The following VANGL1 variants were observed in gnomAD, a reference collection of about 807,000 sequenced individuals.
VANGL1 encodes VANGL planar cell polarity protein 1.
In VANGL1, 18 loss-of-function variants were observed where a neutral mutation model predicts 48.4. The observed-to-expected ratio is 0.37, with a 90% CI of 0.26 to 0.55. The LOEUF is 0.55. Among genes scored for constraint, VANGL1 ranks in the 20% least tolerant of loss-of-function variants. The pLI is 0.81. For synonymous variants in VANGL1, 257 were observed against 261.8 expected, an observed-to-expected ratio of 0.98 and a Z score of 0.18; for missense variants, 667 against 675.8, an observed-to-expected ratio of 0.99 and a Z score of 0.14.
chr1:115,690,781 G>A (rs1653800889), intron 7 of VANGL1, among the ~76,000 whole-genome samples: 1 of 152,226 alleles, frequency 6.6e-6, no homozygotes, highest in South Asian at 2.1e-4. Flanking sequence ...ACATCAAGTA[G>A]GACCATACCC....
chr1:115,663,970 T>C lies in VANGL1; in HGVS notation c.514T>C (p.Phe172Leu). The C allele has an allele frequency of 6.2e-7, 1 of 1,614,250 alleles. No homozygotes were observed. Among genetic ancestry groups the C allele is most frequent in the South Asian group, 1.1e-5 (1 of 91,084 alleles). ...ILLIGTWALF[F>L]RKRRADMPRV... ...GCTCATAGGGACCTGGGCACTTTTT[T>C]TCCGCAAGCGGAGAGCTGACATGCC... is the stretch of plus-strand genomic sequence containing the variant. Residue 172 changes from phenylalanine (F) to leucine (L), a missense_variant, in exon 4 of 8, where the codon TTC becomes CTC. Physicochemically the swap from Phe to Leu is conservative, Grantham distance 22 (BLOSUM62 0). Coordinates refer to ENST00000355485, the MANE Select transcript of VANGL1 (RefSeq NM_138959.3).
In VANGL1 at chr1:115,697,103, C is replaced by T. The variant is rs1654060462; in HGVS notation, c.*5724C>T. The T allele has an allele frequency of 6.6e-6, 1 of 152,126 alleles. No individual in the cohort carries two copies. Among genetic ancestry groups the T allele is most frequent in the African/African-American group, 2.4e-5 (1 of 41,412 alleles). The allele number at this position is 152,126 out of a possible 1,614,324, so 9.4% of individuals were successfully genotyped here. A position where few individuals can be genotyped will look rare whatever the true frequency, so the allele number is the denominator to read the frequency against. On this transcript the variant is annotated 3_prime_UTR_variant, in exon 8 of 8. Transcript: ENST00000355485. ...GTGTTTAATTCTAAAAAGCCTTCAG[C>T]CTAAGAAAGCTTCATCTGTGGGGAC...
At chr1:115,663,218 T>G (rs1652634958) in intron 3 of VANGL1, among the ~76,000 whole-genome samples, 1 of 152,206 alleles carries the variant, frequency 6.6e-6, no homozygotes, top group Admixed American at 6.5e-5. Context: ...CCTCCAAAAG[T>G]TGGACTTCGT....
chr1:115,645,077 C>A (rs1651865882), intron 1 of VANGL1, among the ~76,000 whole-genome samples: 1 of 152,092 alleles, frequency 6.6e-6, no homozygotes. Flanking sequence ...TATAGATTTG[C>A]CCTGCATCTC....
chr1:115,660,285 T>C (rs1338246628), intron 3 of VANGL1, among the ~76,000 whole-genome samples: 1 of 152,152 alleles, frequency 6.6e-6, no homozygotes, highest in African/African-American at 2.4e-5. Flanking sequence ...TTAACAGCAA[T>C]CTGTGCAGTG....
At position 115,693,198 on chromosome 1, in the gene VANGL1, C is replaced by CT; in HGVS notation, c.*1823dup. ...AAACACATACCATGGAACCATGGTG[C>CT]TTTTGTTCTTAGTTTTTGCCGTTAG... On this transcript the variant is annotated 3_prime_UTR_variant, in exon 8 of 8. Transcript: ENST00000355485. 1 of 152,642 alleles carries CT rather than the reference C, an allele frequency of 6.6e-6. No individual in the cohort carries two copies. The allele number at this position is 152,642 out of a possible 1,614,324, so 9.5% of individuals were successfully genotyped here.
At chr1:115,688,582 C>G (rs1653721528) in intron 7 of VANGL1, among the ~76,000 whole-genome samples, 1 of 137,612 alleles carries the variant, frequency 7.3e-6, no homozygotes, top group Non-Finnish European at 1.6e-5. Flanking sequence ...TTTCTGAAGC[C>G]TAAGTTTCAA....
At chr1:115,659,462 T>C (rs1284267057) in intron 2 of VANGL1, among the ~76,000 whole-genome samples, 179 bp from the exon 3 acceptor site, 2 of 151,932 alleles carry the variant, frequency 1.3e-5, no homozygotes, top group East Asian at 1.9e-4. Context: ...TAAAGATCAG[T>C]GTACCCCTTG....
In VANGL1 at chr1:115,691,395, G is replaced by A; in HGVS notation, c.*16G>A. The A allele has an allele frequency of 6.2e-7, 1 of 1,601,710 alleles. No individual in the cohort carries two copies. On this transcript the variant is annotated 3_prime_UTR_variant, in exon 8 of 8. Transcript: ENST00000355485. ...ATCCGTTTAAAAGTTCTATATTTGTGGCTTTATTAAAAAAAAAAGAAAAAT... is the reference window on the plus strand; with the variant it reads ...ATCCGTTTAAAAGTTCTATATTTGTAGCTTTATTAAAAAAAAAAGAAAAAT...
In VANGL1 at chr1:115,664,119, A is replaced by G. The variant is rs779577966; in HGVS notation, c.663A>G (p.Gln221=). The G allele has an allele frequency of 4.5e-5, 73 of 1,614,062 alleles. No homozygotes were observed. Among genetic ancestry groups the G allele is most frequent in the Non-Finnish European group, 5.8e-5 (68 of 1,180,044 alleles). ...ACCGGAATTACCAGGGCATTGTGCA[A>G]TATGCAGTCTCCCTTGTGGATGCCC... ...SRDRNYQGIV[Q]YAVSLVDALL... Residue 221 remains glutamine (Q), a synonymous_variant, in exon 4 of 8, where the codon CAA becomes CAG. Transcript: ENST00000355485.
chr1:115,643,574 C>T (rs575444065), intron 1 of VANGL1, among the ~76,000 whole-genome samples: 1 of 152,308 alleles, frequency 6.6e-6, no homozygotes, highest in South Asian at 2.1e-4. Flanking sequence ...TGAAAACACT[C>T]AGTGTGGAAT....
intron 4 of VANGL1, among the ~76,000 whole-genome samples, chr1:115,670,812 A>C (rs1430206565): frequency 6.6e-6 from 1 of 152,168 alleles, no homozygotes; most frequent in Non-Finnish European, 1.5e-5. Flanking sequence ...CTTTTTAATA[A>C]AGATATTTTG....
chr1:115,651,999 G>A (rs938357375), intron 2 of VANGL1, among the ~76,000 whole-genome samples: 3 of 152,116 alleles, frequency 2.0e-5, no homozygotes, highest in African/African-American at 7.2e-5. Context: ...TGATCCGCCC[G>A]CCTCGGTTTC....
At chr1:115,690,661 C>T (rs1653795929) in intron 7 of VANGL1, among the ~76,000 whole-genome samples, 1 of 152,366 alleles carries the variant, frequency 6.6e-6, no homozygotes, top group East Asian at 1.9e-4. Flanking sequence ...CGCATGCGTT[C>T]TTATTCATGC....
In VANGL1 at chr1:115,670,628, C is replaced by G. The variant is rs1652941978; in HGVS notation, c.812+6360C>G. 2.0e-5 allele frequency among the ~76,000 whole-genome samples: 3 copies of G among 152,170 alleles called. No homozygotes were observed. The South Asian group carries it at 6.2e-4, about 32-fold the overall frequency. On this transcript the variant is annotated intron_variant, in intron 4 of 7. Transcript: ENST00000355485. ...CATGTCTCTCATGCTGGGCCACGCC[C>G]TCCATCCCATGTTCACGATGAGCAC...
chr1:115,690,102 A>G (rs1653776303), intron 7 of VANGL1, among the ~76,000 whole-genome samples: 1 of 138,900 alleles, frequency 7.2e-6, no homozygotes, highest in African/African-American at 2.7e-5. Context: ...CATGCTGTCA[A>G]ACTCCTAGTA....
intron 4 of VANGL1, among the ~76,000 whole-genome samples, chr1:115,677,620 G>A (rs1252633761): frequency 6.6e-6 from 1 of 152,188 alleles, no homozygotes; most frequent in Non-Finnish European, 1.5e-5. Flanking sequence ...AAATCTATGT[G>A]GTCTGGGAGA....
intron 4 of VANGL1, among the ~76,000 whole-genome samples, chr1:115,672,726 C>T (rs1227625468): frequency 6.6e-6 from 1 of 152,180 alleles, no homozygotes; most frequent in Non-Finnish European, 1.5e-5. Flanking sequence ...TTCCCAAATG[C>T]AGCTGTGAGA....
chr1:115,651,233 T>G, intron 1 of VANGL1, 44 bp from the exon 2 acceptor site: 1 of 612,066 alleles, frequency 1.6e-6, no homozygotes, highest in Non-Finnish European at 2.9e-6. Flanking sequence ...CCATTAAGGT[T>G]GGCTCTGAAG....
Sources: allele counts gnomAD v4.1 joint callset (sites outside exome capture counted in the v4.1 genomes callset), GRCh38; gene constraint gnomAD v4.1.1; transcripts MANE v1.5; gene names NCBI Gene and HGNC (gene_info 2026-07-23, HGNC 2026-07-21).